Variants in RNASE8 observed in about 807,000 individuals in gnomAD.
RNASE8 encodes ribonuclease A family member 8.
For missense variants in RNASE8, 179 were observed against 187.9 expected (o/e 0.95, Z 0.28); for synonymous variants, 68 against 74.1 (o/e 0.92, Z 0.42).
In RNASE8 at chr14:21,058,266, T is replaced by G. The variant is rs776531008; in HGVS notation, c.374T>G (p.Leu125Arg). The change falls in exon 1 of 1, where the codon CTG (leucine) becomes CGG (arginine). Residue 125 changes from leucine to arginine, a missense_variant. Transcript: ENST00000308227. ...YPNCRYKEKH[L>R]NTPYIVACDP... is the part of the protein sequence containing the mutation. ...AACTGCAGGTACAAAGAGAAGCACC[T>G]GAACACACCTTACATAGTGGCCTGT... is the stretch of plus-strand genomic sequence containing the variant. 39 of 1,614,022 alleles carry G rather than the reference T, an allele frequency of 2.4e-5. No individual in the cohort carries two copies. Among genetic ancestry groups the G allele is most frequent in the Non-Finnish European group, 3.3e-5 (39 of 1,180,016 alleles).
rs45545641 is a variant in RNASE8 at position 21,058,280 on chromosome 14, A to C, written c.388A>C (p.Ile130Leu). 8.7e-6 allele frequency: 14 copies of C among 1,614,024 alleles called. No individual in the cohort carries two copies. Among genetic ancestry groups the C allele is most frequent in the Non-Finnish European group, 6.8e-6 (8 of 1,180,020 alleles). Residue 130 changes from isoleucine (I) to leucine (L), a missense_variant, in exon 1 of 1, where the codon ATA (isoleucine) becomes CTA (leucine). By Grantham distance (5) the Ile-to-Leu change is conservative (BLOSUM62 2). Transcript: ENST00000308227. The part of the protein sequence containing the change: ...YKEKHLNTPY[I>L]VACDPPQQGD... Reference sequence around the variant, plus strand: ...AGAGAAGCACCTGAACACACCTTACATAGTGGCCTGTGACCCTCCACAACA... The same window carrying C: ...AGAGAAGCACCTGAACACACCTTACCTAGTGGCCTGTGACCCTCCACAACA...
In RNASE8 at chr14:21,058,207, G is replaced by A; in HGVS notation, c.315G>A (p.Leu105=). Residue 105 remains leucine, a synonymous_variant, in exon 1 of 1, where the codon CTG becomes CTA. Transcript: ENST00000308227. ...NCHQSHGPMS[L]TMGELTSGKY... The stretch of plus-strand genomic sequence containing the variant: ...ACCAGAGCCACGGGCCCATGTCCCT[G>A]ACCATGGGTGAGCTCACCTCAGGGA... 1.9e-6 allele frequency: 3 copies of A among 1,614,144 alleles called. No individual in the cohort carries two copies. Among genetic ancestry groups the A allele is most frequent in the Non-Finnish European group, 2.5e-6 (3 of 1,180,030 alleles).
At chr14:21,058,184 C>T in the RNASE8 span, 3 of 1,614,128 alleles carry the variant, frequency 1.9e-6, no homozygotes, top group Middle Eastern at 1.6e-4. Context: ...AAACTGCCAC[C>T]AGAGCCACGG....
In RNASE8 at chr14:21,058,402, T is replaced by A. The variant is rs1331746979; in HGVS notation, c.*45T>A. 7.2e-7 allele frequency: 1 copy of A among 1,381,594 alleles called. No individual in the cohort carries two copies. Among genetic ancestry groups the A allele is most frequent in the African/African-American group, 1.4e-5 (1 of 69,400 alleles). 85.6% of individuals were successfully genotyped at this position (1,381,594 alleles called of 1,614,324 possible). ...ACCTCACACTCTGCAGACTGTATGCTGCTGCTTTTCCTCCCTCCAGTTCGT... is the reference window on the plus strand; with the variant it reads ...ACCTCACACTCTGCAGACTGTATGCAGCTGCTTTTCCTCCCTCCAGTTCGT... On this transcript the variant is annotated 3_prime_UTR_variant, in exon 1 of 1. Coordinates refer to ENST00000308227, the MANE Select transcript of RNASE8 (RefSeq NM_138331.2).
At position 21,058,130 on chromosome 14, in the gene RNASE8, A is replaced by G; in HGVS notation, c.238A>G (p.Ile80Val). 1 of 1,614,168 alleles carries G rather than the reference A, an allele frequency of 6.2e-7. No individual in the cohort carries two copies. The change falls in exon 1 of 1, where the codon ATC (isoleucine) becomes GTC (valine). Residue 80 changes from isoleucine to valine, a missense_variant. Transcript: ENST00000308227. ...FLHEPFSSVAITCQTPNIACK... is the reference protein window; with the variant it reads ...FLHEPFSSVAVTCQTPNIACK... Reference sequence around the variant, plus strand: ...GCACGAGCCCTTCTCCAGTGTGGCCATCACCTGCCAGACCCCCAACATAGC... The same window carrying G: ...GCACGAGCCCTTCTCCAGTGTGGCCGTCACCTGCCAGACCCCCAACATAGC...
chr14:21,057,958 G>A lies in RNASE8; in HGVS notation c.66G>A (p.Glu22=). The A allele has an allele frequency of 6.2e-7, 1 of 1,614,106 alleles. No individual in the cohort carries two copies. Among genetic ancestry groups the A allele is most frequent in the Non-Finnish European group, 8.5e-7 (1 of 1,180,030 alleles). Residue 22 remains glutamate (E), a synonymous_variant, in exon 1 of 1, where the codon GAG becomes GAA. Coordinates refer to ENST00000308227, the MANE Select transcript of RNASE8 (RefSeq NM_138331.2). ...LLLLLGLWVA[E]VLVRAKPKDM... is the part of the protein sequence containing the mutation. Reference sequence around the variant, plus strand: ...TGCTTCTGGGGCTGTGGGTGGCAGAGGTCCTAGTCAGAGCCAAGCCCAAGG... The same window carrying A: ...TGCTTCTGGGGCTGTGGGTGGCAGAAGTCCTAGTCAGAGCCAAGCCCAAGG...
At position 21,057,921 on chromosome 14, in the gene RNASE8, C is replaced by A; in HGVS notation, c.29C>A (p.Pro10His). 6.2e-7 allele frequency: 1 copy of A among 1,613,960 alleles called. No individual in the cohort carries two copies. Among genetic ancestry groups the A allele is most frequent in the Admixed American group, 1.7e-5 (1 of 60,006 alleles). ...GCACCGGCCAGAGCAGGATGCTGCC[C>A]CCTGCTGCTGCTGCTTCTGGGGCTG... MAPARAGCCPLLLLLLGLWV... is the reference protein window; with the variant it reads MAPARAGCCHLLLLLLGLWV... The change falls in exon 1 of 1, where the codon CCC (proline) becomes CAC (histidine). Residue 10 changes from proline to histidine, a missense_variant. Transcript: ENST00000308227.
In RNASE8 at chr14:21,058,158, G is replaced by C; in HGVS notation, c.266G>C (p.Cys89Ser). ...ACCTGCCAGACCCCCAACATAGCCT[G>C]CAAGAATAGCTGTAAAAACTGCCAC... ...AITCQTPNIACKNSCKNCHQS... is the reference protein window; with the variant it reads ...AITCQTPNIASKNSCKNCHQS... Residue 89 changes from cysteine to serine, a missense_variant, in exon 1 of 1, where the codon TGC becomes TCC. Coordinates refer to ENST00000308227, the MANE Select transcript of RNASE8 (RefSeq NM_138331.2). The C allele has an allele frequency of 6.2e-7, 1 of 1,614,152 alleles. No individual in the cohort carries two copies. Among genetic ancestry groups the C allele is most frequent in the East Asian group, 2.2e-5 (1 of 44,878 alleles).
chr14:21,058,183 C>T lies in RNASE8; in HGVS notation c.291C>T (p.His97=), dbSNP rs199860658. 1.1e-4 allele frequency: 176 copies of T among 1,614,162 alleles called. No homozygotes were observed. In the East Asian group the frequency reaches 3.8e-3, roughly 35 times the overall value. Residue 97 remains histidine, a synonymous_variant, in exon 1 of 1, where the codon CAC becomes CAT. Coordinates refer to ENST00000308227, the MANE Select transcript of RNASE8 (RefSeq NM_138331.2). The stretch of plus-strand genomic sequence containing the variant: ...GCAAGAATAGCTGTAAAAACTGCCA[C>T]CAGAGCCACGGGCCCATGTCCCTGA... ...IACKNSCKNC[H]QSHGPMSLTM...
chr14:21,058,132 C>T lies in RNASE8; in HGVS notation c.240C>T (p.Ile80=). Residue 80 remains isoleucine, a synonymous_variant, in exon 1 of 1, where the codon ATC becomes ATT. Coordinates refer to ENST00000308227, the MANE Select transcript of RNASE8 (RefSeq NM_138331.2). The part of the protein sequence containing the change: ...FLHEPFSSVA[I]TCQTPNIACK... ...ACGAGCCCTTCTCCAGTGTGGCCATCACCTGCCAGACCCCCAACATAGCCT... is the reference window on the plus strand; with the variant it reads ...ACGAGCCCTTCTCCAGTGTGGCCATTACCTGCCAGACCCCCAACATAGCCT... 3.7e-6 allele frequency: 6 copies of T among 1,614,186 alleles called. No homozygotes were observed. The highest frequency in any genetic ancestry group is 5.1e-6 in the Non-Finnish European group (6 of 1,180,034).
At position 21,058,354 on chromosome 14, in the gene RNASE8, C is replaced by T; in HGVS notation, c.462C>T (p.Val154=). The T allele has an allele frequency of 6.2e-7, 1 of 1,601,934 alleles. No homozygotes were observed. The highest frequency in any genetic ancestry group is 8.5e-7 in the Non-Finnish European group (1 of 1,173,184). Residue 154 remains valine, a synonymous_variant, in exon 1 of 1, where the codon GTC becomes GTT. Transcript: ENST00000308227. ...TTCCTGTGCACTTGGATAAAGTTGT[C>T]TAAGCCCTGGTGCCCACGTTCCACC... is the stretch of plus-strand genomic sequence containing the variant. ...PLVPVHLDKV[V]
rs1293601449 is a variant in RNASE8 at position 21,058,281 on chromosome 14, T to C, written c.389T>C (p.Ile130Thr). Reference protein sequence around the residue: ...YKEKHLNTPYIVACDPPQQGD... With the variant: ...YKEKHLNTPYTVACDPPQQGD... ...GAGAAGCACCTGAACACACCTTACA[T>C]AGTGGCCTGTGACCCTCCACAACAG... Residue 130 changes from isoleucine to threonine, a missense_variant, in exon 1 of 1, where the codon ATA becomes ACA. Ile to Thr is a moderately conservative substitution (Grantham distance 89). Transcript: ENST00000308227. The C allele has an allele frequency of 6.2e-7, 1 of 1,613,994 alleles. No individual in the cohort carries two copies. Among genetic ancestry groups the C allele is most frequent in the African/African-American group, 1.3e-5 (1 of 74,916 alleles).
At position 21,058,372 on chromosome 14, in the gene RNASE8, G is replaced by T; in HGVS notation, c.*15G>T. The stretch of plus-strand genomic sequence containing the variant: ...AAGTTGTCTAAGCCCTGGTGCCCAC[G>T]TTCCACCTCACACTCTGCAGACTGT... On this transcript the variant is annotated 3_prime_UTR_variant, in exon 1 of 1. Coordinates refer to ENST00000308227, the MANE Select transcript of RNASE8 (RefSeq NM_138331.2). The T allele has an allele frequency of 6.4e-7, 1 of 1,554,850 alleles. No homozygotes were observed. Among genetic ancestry groups the T allele is most frequent in the Non-Finnish European group, 8.8e-7 (1 of 1,136,246 alleles).
Position 21,057,826 on chromosome 14 carries a change from A to T in RNASE8, c.-67A>T. On this transcript the variant is annotated 5_prime_UTR_variant, in exon 1 of 1. Transcript: ENST00000308227. ...TGAAATTCTTAGAAGGACTAACAAGACTCCCCCATGATGACCTATTCATCC... is the reference window on the plus strand; with the variant it reads ...TGAAATTCTTAGAAGGACTAACAAGTCTCCCCCATGATGACCTATTCATCC... 1 of 1,376,998 alleles carries T rather than the reference A, an allele frequency of 7.3e-7. No individual in the cohort carries two copies. Among genetic ancestry groups the T allele is most frequent in the South Asian group, 1.3e-5 (1 of 77,624 alleles). The allele number at this position is 1,376,998 out of a possible 1,614,324, so 85.3% of individuals were successfully genotyped here.
chr14:21,058,045 C>T lies in RNASE8; in HGVS notation c.153C>T (p.Asn51=), dbSNP rs752532572. ...QHVQPSPQAC[N]SAMSIINKYT... ...TGCAGCCCAGCCCTCAAGCATGCAA[C>T]TCAGCCATGAGCATCATCAATAAGT... Residue 51 remains asparagine, a synonymous_variant, in exon 1 of 1, where the codon AAC becomes AAT. Coordinates refer to ENST00000308227, the MANE Select transcript of RNASE8 (RefSeq NM_138331.2). The T allele has an allele frequency of 1.9e-6, 3 of 1,614,156 alleles. No homozygotes were observed. Among genetic ancestry groups the T allele is most frequent in the Non-Finnish European group, 2.5e-6 (3 of 1,180,024 alleles).
chr14:21,058,170 G>A lies in RNASE8; in HGVS notation c.278G>A (p.Cys93Tyr), dbSNP rs898640707. The A allele has an allele frequency of 2.7e-5, 44 of 1,614,020 alleles. No individual in the cohort carries two copies. Among genetic ancestry groups the A allele is most frequent in the Non-Finnish European group, 3.6e-5 (42 of 1,180,046 alleles). ...CCCAACATAGCCTGCAAGAATAGCTGTAAAAACTGCCACCAGAGCCACGGG... is the reference window on the plus strand; with the variant it reads ...CCCAACATAGCCTGCAAGAATAGCTATAAAAACTGCCACCAGAGCCACGGG... ...QTPNIACKNS[C>Y]KNCHQSHGPM... Residue 93 changes from cysteine to tyrosine, a missense_variant, in exon 1 of 1, where the codon TGT (cysteine) becomes TAT (tyrosine). By Grantham distance (194) the Cys-to-Tyr change is radical. Transcript: ENST00000308227.
Position 21,058,382 on chromosome 14 carries a change from A to C in RNASE8, c.*25A>C. 1 of 1,507,690 alleles carries C rather than the reference A, an allele frequency of 6.6e-7. No homozygotes were observed. Among genetic ancestry groups the C allele is most frequent in the Non-Finnish European group, 9.1e-7 (1 of 1,097,050 alleles). The allele number at this position is 1,507,690 out of a possible 1,614,324, so 93.4% of individuals were successfully genotyped here. A position where few individuals can be genotyped will look rare whatever the true frequency, so the allele number is the denominator to read the frequency against. Reference sequence around the variant, plus strand: ...AGCCCTGGTGCCCACGTTCCACCTCACACTCTGCAGACTGTATGCTGCTGC... The same window carrying C: ...AGCCCTGGTGCCCACGTTCCACCTCCCACTCTGCAGACTGTATGCTGCTGC... On this transcript the variant is annotated 3_prime_UTR_variant, in exon 1 of 1. Coordinates refer to ENST00000308227, the MANE Select transcript of RNASE8 (RefSeq NM_138331.2).
Position 21,058,193 on chromosome 14 carries a change from G to T in RNASE8, c.301G>T (p.Gly101Trp), listed in dbSNP as rs116348184. 3 of 1,614,060 alleles carry T rather than the reference G, an allele frequency of 1.9e-6. No individual in the cohort carries two copies. Among genetic ancestry groups the T allele is most frequent in the South Asian group, 1.1e-5 (1 of 91,068 alleles). The change falls in exon 1 of 1, where the codon GGG becomes TGG. Residue 101 changes from glycine to tryptophan, a missense_variant. By Grantham distance (184) the Gly-to-Trp change is radical (BLOSUM62 -2). Transcript: ENST00000308227. ...NSCKNCHQSH[G>W]PMSLTMGELT... The stretch of plus-strand genomic sequence containing the variant: ...CTGTAAAAACTGCCACCAGAGCCAC[G>T]GGCCCATGTCCCTGACCATGGGTGA...
Position 21,057,941 on chromosome 14 carries a change from G to C in RNASE8, c.49G>C (p.Gly17Arg). The C allele has an allele frequency of 1.2e-6, 2 of 1,614,000 alleles. No homozygotes were observed. Among genetic ancestry groups the C allele is most frequent in the Admixed American group, 1.7e-5 (1 of 59,994 alleles). ...GCCPLLLLLL[G>R]LWVAEVLVRA... Reference sequence around the variant, plus strand: ...CTGCCCCCTGCTGCTGCTGCTTCTGGGGCTGTGGGTGGCAGAGGTCCTAGT... The same window carrying C: ...CTGCCCCCTGCTGCTGCTGCTTCTGCGGCTGTGGGTGGCAGAGGTCCTAGT... Residue 17 changes from glycine to arginine, a missense_variant, in exon 1 of 1, where the codon GGG becomes CGG. By Grantham distance (125) the Gly-to-Arg change is moderately radical. Coordinates refer to ENST00000308227, the MANE Select transcript of RNASE8 (RefSeq NM_138331.2).
Sources: allele counts gnomAD v4.1 joint callset, GRCh38; gene constraint gnomAD v4.1.1; transcripts MANE v1.5; gene names NCBI Gene and HGNC (gene_info 2026-07-23, HGNC 2026-07-21).